Variants in EFR3B observed in about 807,000 individuals in gnomAD.
EFR3B encodes EFR3 homolog B, also known as protein EFR3 homolog B.
In EFR3B, 64 loss-of-function variants were observed where a neutral mutation model predicts 104.7. The observed-to-expected ratio is 0.61, with a 90% CI of 0.50 to 0.75. The LOEUF is 0.75. Among genes scored for constraint, EFR3B ranks in the 30% least tolerant of loss-of-function variants. EFR3B has a pLI of 0.00. For synonymous variants in EFR3B, 385 were observed against 417.9 expected (o/e 0.92, Z 0.96); for missense variants, 750 against 1,078.5 (o/e 0.70, Z 4.27).
intron 12 of EFR3B, among the ~76,000 whole-genome samples, chr2:25,135,230 G>A (rs950738900): frequency 2.0e-5 from 3 of 152,096 alleles, no homozygotes; most frequent in South Asian, 2.1e-4. Flanking sequence ...TTTAACACCC[G>A]AATGTCCCTG....
At chr2:25,093,304 G>A (rs535729915) in intron 3 of EFR3B, among the ~76,000 whole-genome samples, 174 bp downstream of exon 3, 2 of 152,144 alleles carry the variant, frequency 1.3e-5, no homozygotes, top group South Asian at 4.2e-4. Context: ...GACTAACCTG[G>A]GCAATGTAGT....
intron 1 of EFR3B, among the ~76,000 whole-genome samples, chr2:25,082,106 A>G (rs1668825470): frequency 6.6e-6 from 1 of 152,238 alleles, no homozygotes; most frequent in South Asian, 2.1e-4. Context: ...CTCTGTCGCA[A>G]GGCTGCCAGC....
intron 5 of EFR3B, among the ~76,000 whole-genome samples, chr2:25,126,471 C>T (rs1193980129): frequency 6.6e-6 from 1 of 151,822 alleles, no homozygotes. Flanking sequence ...GCAATTCTTT[C>T]ACCTCAACCT....
chr2:25,141,334 C>T (rs767752757), intron 16 of EFR3B, 32 bp from the exon 17 acceptor site: 1 of 1,548,360 alleles, frequency 6.5e-7, no homozygotes. Flanking sequence ...CCCTGCTGAA[C>T]CAGCTCTTAT....
rs924921630 is a variant in EFR3B at position 25,042,346 on chromosome 2, G to T, written c.7+27G>T. The T allele has an allele frequency of 1.4e-5, 18 of 1,256,910 alleles. No individual in the cohort carries two copies. The highest frequency in any genetic ancestry group is 6.0e-6 in the Non-Finnish European group (6 of 999,656). The allele number at this position is 1,256,910 out of a possible 1,614,324, so 77.9% of individuals were successfully genotyped here. The stretch of plus-strand genomic sequence containing the variant: ...TAAGGAGGGCTCCGCGCCCGGGCCC[G>T]GGCCCGCGGGGGCGACTCCGCAAAC... On this transcript the variant is annotated intron_variant, in intron 1 of 22. Coordinates refer to ENST00000403714, the MANE Select transcript of EFR3B (RefSeq NM_014971.2). This position sits in a 1 kb window ranked among gnomAD's most constrained non-coding sequence, Gnocchi z 5.4.
At chr2:25,086,217 G>A (rs1013844839) in intron 1 of EFR3B, among the ~76,000 whole-genome samples, 2 of 152,144 alleles carry the variant, frequency 1.3e-5, no homozygotes, top group South Asian at 2.1e-4. Context: ...ATAAAGCTGC[G>A]GTAAACATCC....
chr2:25,070,573 G>A (rs13012221), intron 1 of EFR3B, among the ~76,000 whole-genome samples: 14,448 of 152,188 alleles, frequency 0.095, 881 homozygotes, highest in East Asian at 0.24. Flanking sequence ...GGCTTCTGAT[G>A]ATTTTAAAAT....
At chr2:25,046,454 A>G (rs1248155175) in intron 1 of EFR3B, among the ~76,000 whole-genome samples, 1 of 152,040 alleles carries the variant, frequency 6.6e-6, no homozygotes, top group East Asian at 1.9e-4. Flanking sequence ...GACTGTTGCC[A>G]AAAGGTTGGA....
intron 1 of EFR3B, among the ~76,000 whole-genome samples, chr2:25,061,967 AT>A (rs1558585741): frequency 6.6e-6 from 1 of 151,934 alleles, no homozygotes; most frequent in South Asian, 2.1e-4. Context: ...ACTTTATTTT[AT>A]TTTTTTTAGT....
chr2:25,045,915 AG>A (rs1476921945), intron 1 of EFR3B, among the ~76,000 whole-genome samples: 1 of 152,132 alleles, frequency 6.6e-6, no homozygotes, highest in Non-Finnish European at 1.5e-5. Context: ...GCCAGCTAGG[AG>A]GGACGTTTGG....
chr2:25,142,307 G>A (rs568687924), intron 17 of EFR3B, among the ~76,000 whole-genome samples: 6 of 152,058 alleles, frequency 3.9e-5, no homozygotes, highest in East Asian at 1.9e-4. Context: ...GCCAGGTATG[G>A]TGGCGCACAC....
chr2:25,143,856 C>T lies in EFR3B; in HGVS notation c.2044C>T (p.Leu682=). 1 of 1,551,594 alleles carries T rather than the reference C, an allele frequency of 6.4e-7. No homozygotes were observed. The highest frequency in any genetic ancestry group is 8.7e-7 in the Non-Finnish European group (1 of 1,146,932). Residue 682 remains leucine, a synonymous_variant, in exon 18 of 23, where the codon CTG becomes TTG. Transcript: ENST00000403714. ...GCTCTGCCTGCCCTACATTCCTCAG[C>T]TGACAGGTATGAGTTCTGTGCAGGG... ...DRLCLPYIPQ[L]TDEDRLSKRR...
chr2:25,089,912 C>A (rs1006849743), intron 1 of EFR3B, among the ~76,000 whole-genome samples: 1 of 152,056 alleles, frequency 6.6e-6, no homozygotes, highest in Admixed American at 6.6e-5. Flanking sequence ...CTTGGTGCCC[C>A]ATGGCTACTC....
chr2:25,097,899 G>A (rs1278030515), intron 3 of EFR3B, among the ~76,000 whole-genome samples: 2 of 152,084 alleles, frequency 1.3e-5, no homozygotes, highest in African/African-American at 4.8e-5. Flanking sequence ...ACGCCGTCAG[G>A]ATCCCCAGTA....
chr2:25,042,252 G>T lies in EFR3B; in HGVS notation c.-61G>T. 2 of 1,304,110 alleles carry T rather than the reference G, an allele frequency of 1.5e-6. No individual in the cohort carries two copies. The highest frequency in any genetic ancestry group is 2.1e-5 in the South Asian group (1 of 46,672). The allele number at this position is 1,304,110 out of a possible 1,614,324, so 80.8% of individuals were successfully genotyped here. A position where few individuals can be genotyped will look rare whatever the true frequency, so the allele number is the denominator to read the frequency against. ...CTGTGAATGAAAGGCGGGCGCCGCC[G>T]AGGGCTGGCTGGGAACGCCGCAGCG... On this transcript the variant is annotated 5_prime_UTR_variant, in exon 1 of 23. Transcript: ENST00000403714. The surrounding 1 kb of genome is among the most constrained non-coding windows in gnomAD (Gnocchi z 5.4).
chr2:25,053,687 G>A (rs1341879811), intron 1 of EFR3B, among the ~76,000 whole-genome samples: 2 of 152,158 alleles, frequency 1.3e-5, no homozygotes, highest in East Asian at 1.9e-4. Flanking sequence ...GGCGGATCAC[G>A]AGGTCAAGAG....
chr2:25,140,016 T>C (rs1018439939), intron 16 of EFR3B, among the ~76,000 whole-genome samples: 1 of 152,146 alleles, frequency 6.6e-6, no homozygotes, highest in African/African-American at 2.4e-5. Context: ...GGATTAACTT[T>C]AAAATACATT....
At chr2:25,060,159 G>A (rs1277412648) in intron 1 of EFR3B, among the ~76,000 whole-genome samples, 1 of 152,166 alleles carries the variant, frequency 6.6e-6, no homozygotes, top group Non-Finnish European at 1.5e-5. Context: ...TCACGCCATT[G>A]CACTCCAGCC....
chr2:25,054,487 A>G (rs1009561373), intron 1 of EFR3B, among the ~76,000 whole-genome samples: 1 of 151,888 alleles, frequency 6.6e-6, no homozygotes, highest in African/African-American at 2.4e-5. Flanking sequence ...ACTCCCAGCT[A>G]ATTTTTTGTA....
Sources: allele counts gnomAD v4.1 joint callset (sites outside exome capture counted in the v4.1 genomes callset), GRCh38; gene constraint gnomAD v4.1.1; non-coding constraint Gnocchi (gnomAD v3.1); transcripts MANE v1.5; gene names NCBI Gene and HGNC (gene_info 2026-07-23, HGNC 2026-07-21).